The following FBN2 variants were observed in gnomAD, a reference collection of about 807,000 sequenced individuals.
The protein encoded by FBN2 is fibrillin-2.
In FBN2, 105 loss-of-function variants were observed where a neutral mutation model predicts 355.6. The ratio of observed to expected loss-of-function variants is 0.30; its 90% CI spans 0.25 to 0.35. The LOEUF (loss-of-function observed/expected upper bound fraction) is 0.35. Ranked by LOEUF, FBN2 falls within the 10% of genes least tolerant of loss-of-function variation. The probability of loss-of-function intolerance (pLI) is 1.00; values close to 1 mark genes in which losing one functional copy is unlikely to be tolerated. For synonymous variants in FBN2, 1,350 were observed against 1,301.2 expected (o/e 1.04, Z -0.81); for missense variants, 3,280 against 3,758.7 (o/e 0.87, Z 3.33).
chr5:128,517,368 T>G (rs967823733), intron 5 of FBN2, among the ~76,000 whole-genome samples: 2 of 152,218 alleles, frequency 1.3e-5, no homozygotes, highest in African/African-American at 4.8e-5. Flanking sequence ...TATTCTACAT[T>G]CTATGATGTT....
chr5:128,486,951 A>G (rs1393228327), intron 5 of FBN2, among the ~76,000 whole-genome samples: 1 of 152,152 alleles, frequency 6.6e-6, no homozygotes, highest in Non-Finnish European at 1.5e-5. Context: ...GAACTCATGC[A>G]ACTCTTAGAA....
At chr5:128,311,230 T>C in intron 39 of FBN2, 70 bp downstream of exon 39, 1 of 1,557,078 alleles carries the variant, frequency 6.4e-7, no homozygotes, top group Non-Finnish European at 8.9e-7. Context: ...GGATGGGCCT[T>C]TCCCTCAGGC....
chr5:128,465,005 G>T lies in FBN2; in HGVS notation c.629-84C>A, dbSNP rs111331468. The T allele has an allele frequency of 5.1e-5, 67 of 1,305,994 alleles. 1 individual carries two copies. The African/African-American group carries it at 6.8e-4, about 13-fold the overall frequency. The allele number at this position is 1,305,994 out of a possible 1,614,324, so 80.9% of individuals were successfully genotyped here. ...AGTGCCTCCAAATGCATAAAACAGA[G>T]ACTATTTCTTCTGACCAAAGTGTCC... is the stretch of plus-strand genomic sequence containing the variant. On this transcript the variant is annotated intron_variant, in intron 5 of 64. Transcript: ENST00000262464.
In FBN2 at chr5:128,269,458, C is replaced by CA. The variant is rs796886141; in HGVS notation, c.7960+2540dup. 3.3e-3 allele frequency among the ~76,000 whole-genome samples: 459 copies of CA among 138,186 alleles called. 1 individual carries two copies. The highest frequency in any genetic ancestry group is 0.023 in the East Asian group (111 of 4,774). The allele number at this position is 138,186 out of a possible 152,430, so 90.7% of individuals were successfully genotyped here. On this transcript the variant is annotated intron_variant, in intron 62 of 64. Coordinates refer to ENST00000262464, the MANE Select transcript of FBN2 (RefSeq NM_001999.4). ...TGGGCGACAGAGTGAGACTCCACCC[C>CA]AAAAAAAAAACAAAAACCCAACAAA...
intron 45 of FBN2, among the ~76,000 whole-genome samples, 161 bp from the exon 46 acceptor site, chr5:128,303,250 T>C (rs1422062953): frequency 6.6e-6 from 1 of 152,048 alleles, no homozygotes; most frequent in Non-Finnish European, 1.5e-5. Context: ...TACGGAAAAA[T>C]CAAAATTACA....
chr5:128,423,006 CCTT>C (rs566008935), intron 7 of FBN2, among the ~76,000 whole-genome samples: 76 of 152,262 alleles, frequency 5.0e-4, no homozygotes, highest in South Asian at 2.7e-3. Flanking sequence ...TAGTTGGACT[CCTT>C]CTCCAGAAGC....
At chr5:128,513,207 A>G (rs1343621614) in intron 5 of FBN2, among the ~76,000 whole-genome samples, 1 of 152,206 alleles carries the variant, frequency 6.6e-6, no homozygotes, top group East Asian at 1.9e-4. Flanking sequence ...ACCCCTGGAG[A>G]CAGGTGTTAT....
At position 128,301,268 on chromosome 5, in the gene FBN2, T is replaced by C. The variant is rs1477122578; in HGVS notation, c.6046+114A>G. Reference sequence around the variant, plus strand: ...TCCATCATAGCTTATCTTGGTCATGTGCTCTGATGATTAAATGAAATATTA... The same window carrying C: ...TCCATCATAGCTTATCTTGGTCATGCGCTCTGATGATTAAATGAAATATTA... On this transcript the variant is annotated intron_variant, in intron 47 of 64. Transcript: ENST00000262464. 7.0e-6 allele frequency: 7 copies of C among 1,003,068 alleles called. No individual in the cohort carries two copies. In the African/African-American group the frequency reaches 1.1e-4, roughly 16 times the overall value. 62.1% of individuals were successfully genotyped at this position (1,003,068 alleles called of 1,614,324 possible). A position where few individuals can be genotyped will look rare whatever the true frequency, so the allele number is the denominator to read the frequency against.
At chr5:128,398,331 G>A (rs1049105365) in intron 8 of FBN2, among the ~76,000 whole-genome samples, 9 of 151,206 alleles carry the variant, frequency 6.0e-5, no homozygotes, top group African/African-American at 1.9e-4. Context: ...TATTGAAATG[G>A]TCAGATCAAT....
intron 34 of FBN2, among the ~76,000 whole-genome samples, chr5:128,325,686 G>A (rs1474054934): frequency 6.6e-6 from 1 of 151,908 alleles, no homozygotes; most frequent in Non-Finnish European, 1.5e-5. Flanking sequence ...GATTTTTTGG[G>A]CTCTCTTCAG....
rs374497892 is a variant in FBN2, at chr5:128,349,703, C to T, written c.2864-231G>A. Among the ~76,000 whole-genome samples the T allele has an allele frequency of 5.3e-5, 8 of 152,308 alleles. No individual in the cohort carries two copies. In the East Asian group the frequency reaches 1.5e-3, roughly 29 times the overall value. Reference sequence around the variant, plus strand: ...ACATGGCCCAGACATGTGCCTTTCCCAGCTGTTCTGGGCCTTAAAGGCTAG... The same window carrying T: ...ACATGGCCCAGACATGTGCCTTTCCTAGCTGTTCTGGGCCTTAAAGGCTAG... On this transcript the variant is annotated intron_variant, in intron 22 of 64. Coordinates refer to ENST00000262464, the MANE Select transcript of FBN2 (RefSeq NM_001999.4).
intron 16 of FBN2, among the ~76,000 whole-genome samples, chr5:128,368,507 TA>T (rs1390298057): frequency 1.3e-5 from 2 of 148,266 alleles, no homozygotes; most frequent in Non-Finnish European, 1.5e-5. Flanking sequence ...TACATATATA[TA>T]TAATCAAATT....
At chr5:128,323,975 T>A (rs535690646) in intron 34 of FBN2, among the ~76,000 whole-genome samples, 14 of 152,234 alleles carry the variant, frequency 9.2e-5, no homozygotes, top group Admixed American at 2.0e-4. Flanking sequence ...GAACTTGTTA[T>A]TGGTCTATTA....
At chr5:128,305,461 C>T in intron 44 of FBN2, 50 bp downstream of exon 44, 2 of 1,607,034 alleles carry the variant, frequency 1.2e-6, no homozygotes, top group East Asian at 4.5e-5. Context: ...GATAGGAAAT[C>T]TAAGGAATCT....
intron 59 of FBN2, among the ~76,000 whole-genome samples, 168 bp from the exon 60 acceptor site, chr5:128,274,851 A>G (rs1765349780): frequency 6.6e-6 from 1 of 152,222 alleles, no homozygotes; most frequent in Admixed American, 6.5e-5. Flanking sequence ...TTCTTTTTAC[A>G]TATTTAAGCA....
intron 11 of FBN2, among the ~76,000 whole-genome samples, chr5:128,384,818 G>C (rs1391390254): frequency 1.4e-4 from 22 of 151,858 alleles, no homozygotes; most frequent in Admixed American, 1.4e-3. Flanking sequence ...CCCAAAGCTG[G>C]GAGTATTAAT....
intron 2 of FBN2, among the ~76,000 whole-genome samples, chr5:128,536,073 A>G (rs916238244): frequency 2.0e-5 from 3 of 152,218 alleles, no homozygotes; most frequent in Non-Finnish European, 4.4e-5. Context: ...GATTTTTTAC[A>G]GAAAAAGTGG....
rs1321106186 is a variant in FBN2 at position 128,389,335 on chromosome 5, G to A, written c.1603+2683C>T. 3.9e-5 allele frequency among the ~76,000 whole-genome samples: 6 copies of A among 152,312 alleles called. No homozygotes were observed. In the East Asian group the frequency reaches 9.7e-4, roughly 25 times the overall value. Reference sequence around the variant, plus strand: ...TGCAGGTGGGAGAATGCTGGCAGAGGCCCATCTGCTGAAGTTCTCCAATGG... The same window carrying A: ...TGCAGGTGGGAGAATGCTGGCAGAGACCCATCTGCTGAAGTTCTCCAATGG... On this transcript the variant is annotated intron_variant, in intron 11 of 64. Transcript: ENST00000262464.
rs1752528147 is a variant in FBN2, at chr5:128,392,030, C to T, written c.1591G>A (p.Gly531Arg). Residue 531 changes from glycine (G) to arginine (R), a missense_variant, in exon 11 of 65, where the codon GGA (glycine) becomes AGA (arginine). Gly to Arg is a moderately radical substitution (Grantham distance 125, BLOSUM62 -2). This residue lies in a region of FBN2 where 2,284 missense variants were observed against 2,749.5 expected (regional missense o/e 0.83). Transcript: ENST00000262464. ...CNMGYKQDAN[G>R]DCIDVDECTS... ...ATCACAAACTTACCTATACAATCTC[C>T]ATTTGCATCCTGCTTATAACCCATG... is the stretch of plus-strand genomic sequence containing the variant. The T allele has an allele frequency of 1.2e-6, 2 of 1,613,702 alleles. No individual in the cohort carries two copies. The highest frequency in any genetic ancestry group is 1.7e-4 in the Middle Eastern group (1 of 6,056).
Sources: allele counts gnomAD v4.1 joint callset (sites outside exome capture counted in the v4.1 genomes callset), GRCh38; gene constraint gnomAD v4.1.1; regional missense constraint gnomAD v4.1.1; transcripts MANE v1.5; gene names NCBI Gene and HGNC (gene_info 2026-07-23, HGNC 2026-07-21).